PCSK6: variants seen among roughly 807,000 people sequenced by gnomAD.
The protein encoded by PCSK6 is paired basic amino acid cleaving enzyme 4.
Under a neutral mutation model 123.3 loss-of-function variants are expected in PCSK6, and 85 were observed. The ratio of observed to expected loss-of-function variants is 0.69; its 90% CI spans 0.58 to 0.83. The LOEUF (loss-of-function observed/expected upper bound fraction) is 0.83, where lower values mean the gene tolerates loss of function less well. Ranked by LOEUF, PCSK6 falls within the 40% of genes least tolerant of loss-of-function variation. PCSK6 has a pLI of 0.00. For synonymous variants in PCSK6, 508 were observed against 516.0 expected, an observed-to-expected ratio of 0.98 and a Z score of 0.21; for missense variants, 1,191 against 1,282.3, an observed-to-expected ratio of 0.93 and a Z score of 1.09.
chr15:101,369,457 G>T (rs1280954524), intron 12 of PCSK6, among the ~76,000 whole-genome samples: 4 of 152,244 alleles, frequency 2.6e-5, no homozygotes, highest in African/African-American at 9.6e-5. Context: ...AGTGGGCAAG[G>T]GGACCACACC....
In PCSK6 at chr15:101,398,606, C is replaced by A. The variant is rs755148280; in HGVS notation, c.824-30G>T. ...AAGCACAGAGGAGGCTCGGTGTCGG[C>A]GCCCAGGCTCCGGGCACACAGCGAC... is the stretch of plus-strand genomic sequence containing the variant. On this transcript the variant is annotated intron_variant, in intron 6 of 21. Coordinates refer to ENST00000611716, the MANE Select transcript of PCSK6 (RefSeq NM_002570.5). This position sits in a 1 kb window ranked among gnomAD's most constrained non-coding sequence, Gnocchi z 4.6. The A allele has an allele frequency of 1.3e-5, 21 of 1,591,264 alleles. No homozygotes were observed. Among genetic ancestry groups the A allele is most frequent in the Non-Finnish European group, 1.8e-5 (21 of 1,167,552 alleles).
At chr15:101,393,102 G>A (rs376086960) in intron 8 of PCSK6, 110 bp downstream of exon 8, 36 of 938,972 alleles carry the variant, frequency 3.8e-5, no homozygotes, top group South Asian at 2.2e-4. Flanking sequence ...CTGGGATCCG[G>A]AACAATCTGG....
In PCSK6 at chr15:101,338,419, C is replaced by T. The variant is rs557352119; in HGVS notation, c.1859-6388G>A. On this transcript the variant is annotated intron_variant, in intron 13 of 21. Coordinates refer to ENST00000611716, the MANE Select transcript of PCSK6 (RefSeq NM_002570.5). ...CAGGCTCCCCAGGCCGGCCCCTCCA[C>T]ACTCAGTCACCCCCAAGAGGCCACA... is the stretch of plus-strand genomic sequence containing the variant. Among the ~76,000 whole-genome samples, 4 of 152,330 alleles carry T rather than the reference C, an allele frequency of 2.6e-5. No homozygotes were observed. In the South Asian group the frequency reaches 8.3e-4, roughly 32 times the overall value.
chr15:101,370,438 C>G lies in PCSK6; in HGVS notation c.1618G>C (p.Glu540Gln). 6.4e-7 allele frequency: 1 copy of G among 1,551,820 alleles called. No individual in the cohort carries two copies. The highest frequency in any genetic ancestry group is 8.7e-7 in the Non-Finnish European group (1 of 1,147,026). The change falls in exon 12 of 22, where the codon GAG becomes CAG. Residue 540 changes from glutamate (E) to glutamine (Q), a missense_variant. Around this residue, in one of 3 missense-constraint regions of PCSK6, gnomAD observed 630 missense variants for 631.4 expected, o/e 1.00. Coordinates refer to ENST00000611716, the MANE Select transcript of PCSK6 (RefSeq NM_002570.5). ...EHSDQRVVYL[E>Q]HVVVRTSISH... ...ATGGAGGTGCGAACCACCACGTGCT[C>G]CAAGTAGACCACCCGCTGGTCCGAG...
intron 1 of PCSK6, among the ~76,000 whole-genome samples, chr15:101,485,689 C>T (rs2058003871): frequency 6.6e-6 from 1 of 152,186 alleles, no homozygotes; most frequent in South Asian, 2.1e-4. Flanking sequence ...ATACAAGTTC[C>T]CACACATGCT....
chr15:101,383,306 G>T (rs750495894), intron 10 of PCSK6, among the ~76,000 whole-genome samples: 6 of 149,056 alleles, frequency 4.0e-5, no homozygotes, highest in Non-Finnish European at 7.4e-5. Context: ...ACTCGGGAGG[G>T]ATTATTTGAA....
intron 18 of PCSK6, among the ~76,000 whole-genome samples, chr15:101,319,510 T>C (rs1045979662): frequency 1.3e-5 from 2 of 152,240 alleles, no homozygotes; most frequent in Non-Finnish European, 2.9e-5. Flanking sequence ...AGCTGGGGGT[T>C]CCTGGGCAGC....
intron 13 of PCSK6, chr15:101,346,638 A>G: frequency 3.4e-6 from 2 of 592,798 alleles, no homozygotes; most frequent in Non-Finnish European, 4.9e-6. Flanking sequence ...TGCAGGCAAC[A>G]GGAATGCCCA....
chr15:101,410,573 G>A (rs1445828733), intron 6 of PCSK6, among the ~76,000 whole-genome samples: 7 of 152,262 alleles, frequency 4.6e-5, no homozygotes, highest in African/African-American at 7.2e-5. Flanking sequence ...AGGAAGAGGC[G>A]AGGCCAAAAT....
chr15:101,420,796 G>A (rs113807019), intron 6 of PCSK6, among the ~76,000 whole-genome samples: 11 of 152,146 alleles, frequency 7.2e-5, no homozygotes, highest in African/African-American at 1.2e-4. Flanking sequence ...ACCAGTGACC[G>A]CACAGGGGTA....
intron 13 of PCSK6, among the ~76,000 whole-genome samples, chr15:101,359,720 G>A (rs2041155965): frequency 6.6e-6 from 1 of 152,222 alleles, no homozygotes; most frequent in African/African-American, 2.4e-5. Context: ...AGGGCATGCG[G>A]TTCCGTGCTG....
chr15:101,465,909 G>A (rs561578171), intron 1 of PCSK6, among the ~76,000 whole-genome samples: 6 of 152,254 alleles, frequency 3.9e-5, no homozygotes, highest in South Asian at 4.2e-4. Context: ...AGAAAGGAGT[G>A]GGGTTGGGGA....
chr15:101,374,070 A>G (rs2041663401), intron 11 of PCSK6, among the ~76,000 whole-genome samples: 1 of 152,216 alleles, frequency 6.6e-6, no homozygotes. Flanking sequence ...GAAGCCAGGG[A>G]GACGGCCAGA....
At chr15:101,430,131 T>C (rs3825895) in intron 4 of PCSK6, 68 bp from the exon 5 acceptor site, 630,504 of 1,302,142 alleles carry the variant, frequency 0.48, 159,292 homozygotes, top group Non-Finnish European at 0.53. Flanking sequence ...ATGGATTTTA[T>C]GTTCCGTTGG....
chr15:101,482,775 C>G (rs1021925875), intron 1 of PCSK6, among the ~76,000 whole-genome samples: 2 of 151,698 alleles, frequency 1.3e-5, no homozygotes, highest in African/African-American at 4.8e-5. Context: ...GCCACCTGCT[C>G]AGTCCTGATT....
At chr15:101,309,774 T>A (rs2039810376) in intron 20 of PCSK6, among the ~76,000 whole-genome samples, 1 of 152,232 alleles carries the variant, frequency 6.6e-6, no homozygotes, top group Admixed American at 6.5e-5. Context: ...AGGCCTGTTT[T>A]TCTTCCAAGT....
In PCSK6 at chr15:101,340,801, A is replaced by G. The variant is rs370549202; in HGVS notation, c.1859-8770T>C. On this transcript the variant is annotated intron_variant, in intron 13 of 21. Coordinates refer to ENST00000611716, the MANE Select transcript of PCSK6 (RefSeq NM_002570.5). ...TCCCAATGTTCTAACAAAATTTCTT[A>G]CTGGGTCCAATATTTATTGTCTTTC... Among the ~76,000 whole-genome samples the G allele has an allele frequency of 6.6e-5, 10 of 150,606 alleles. No individual in the cohort carries two copies. In the East Asian group the frequency reaches 2.0e-3, roughly 30 times the overall value.
At chr15:101,437,561 G>A (rs1040306208) in intron 2 of PCSK6, among the ~76,000 whole-genome samples, 31 of 152,128 alleles carry the variant, frequency 2.0e-4, no homozygotes, top group African/African-American at 7.5e-4. Context: ...CTGCAACAGC[G>A]TAGAGACCAT....
intron 1 of PCSK6, among the ~76,000 whole-genome samples, chr15:101,451,407 T>A (rs375102859): frequency 4.6e-5 from 7 of 152,152 alleles, no homozygotes; most frequent in African/African-American, 1.7e-4. Context: ...GCTAAGCGCA[T>A]ACTTTGGTAA....
Sources: gnomAD v4.1 joint callset for allele counts (sites outside exome capture counted in the v4.1 genomes callset) on GRCh38, gnomAD v4.1.1 for gene constraint, gnomAD v4.1.1 regional missense constraint, Gnocchi (gnomAD v3.1) non-coding constraint, MANE v1.5 for transcripts, NCBI Gene and HGNC (gene_info 2026-07-23, HGNC 2026-07-21) for gene names.